Variants in HMCN2 observed in about 807,000 individuals in gnomAD.
The protein encoded by HMCN2 is hemicentin-2.
A neutral mutation model predicts 377.5 loss-of-function variants in HMCN2; 325 were observed. The observed-to-expected ratio is 0.86, with a 90% CI of 0.79 to 0.94. The LOEUF (loss-of-function observed/expected upper bound fraction) is 0.94, where lower values mean the gene tolerates loss of function less well. Among genes scored for constraint, HMCN2 ranks in the 40% least tolerant of loss-of-function variants. The pLI is 0.00. For missense variants in HMCN2, 4,543 were observed against 4,725.3 expected (o/e 0.96, Z 1.13); for synonymous variants, 2,007 against 2,046.8 (o/e 0.98, Z 0.53).
chr9:130,287,024 C>G (rs1251780159), intron 4 of HMCN2, among the ~76,000 whole-genome samples: 1 of 152,208 alleles, frequency 6.6e-6, no homozygotes, highest in Admixed American at 6.5e-5. Flanking sequence ...GAACAACGCT[C>G]TCTCTGGAAA....
chr9:130,290,918 T>G (rs1486921334), intron 4 of HMCN2, among the ~76,000 whole-genome samples: 1 of 151,716 alleles, frequency 6.6e-6, no homozygotes, highest in Non-Finnish European at 1.5e-5. Context: ...TTCTTTGGAT[T>G]CCTTTCCCTT....
At position 130,373,687 on chromosome 9, in the gene HMCN2, GGATA is replaced by G. The variant is rs1305199278; in HGVS notation, c.7438+567_7438+570del. Among the ~76,000 whole-genome samples, 29 of 118,796 alleles carry G rather than the reference GGATA, an allele frequency of 2.4e-4. 1 individual carries two copies. The highest frequency in any genetic ancestry group is 6.7e-4 in the African/African-American group (23 of 34,438). 77.9% of individuals were successfully genotyped at this position (118,796 alleles called of 152,430 possible). On this transcript the variant is annotated intron_variant, in intron 48 of 97. Coordinates refer to ENST00000683500, the MANE Select transcript of HMCN2 (RefSeq NM_001291815.2). ...TGGGTGGATGGATGGATGGATGGAT[GGATA>G]GATGGATGGATAGGTAGATGGATGG...
intron 96 of HMCN2, 60 bp from the exon 97 acceptor site, chr9:130,432,369 C>G (rs750892380): frequency 9.1e-5 from 138 of 1,519,834 alleles, no homozygotes; most frequent in Admixed American, 1.2e-4. Flanking sequence ...CGCACTCCCC[C>G]CTTCTCCTTT....
intron 30 of HMCN2, 135 bp from the exon 31 acceptor site, chr9:130,352,792 A>C (rs1839804250): frequency 6.4e-6 from 4 of 629,766 alleles, no homozygotes; most frequent in South Asian, 2.0e-5. Flanking sequence ...CTCCTTGTCC[A>C]CCATGCCTTC....
At chr9:130,293,447 GGAC>G (rs1322782737) in intron 4 of HMCN2, among the ~76,000 whole-genome samples, 1 of 151,610 alleles carries the variant, frequency 6.6e-6, no homozygotes, top group Non-Finnish European at 1.5e-5. Context: ...TGCACAGGAT[GGAC>G]GCTCTTTGAG....
At position 130,340,453 on chromosome 9, in the gene HMCN2, A is replaced by G. The variant is rs928377777; in HGVS notation, c.3488-658A>G. On this transcript the variant is annotated intron_variant, in intron 23 of 97. Transcript: ENST00000683500. ...TGCCTCCGAACCTTGCTTAGCCATTATAAGTCGACCCCTCTGCCTTGCCTC... is the reference window on the plus strand; with the variant it reads ...TGCCTCCGAACCTTGCTTAGCCATTGTAAGTCGACCCCTCTGCCTTGCCTC... 5.3e-5 allele frequency among the ~76,000 whole-genome samples: 8 copies of G among 151,898 alleles called. No individual in the cohort carries two copies. In the South Asian group the frequency reaches 1.5e-3, roughly 28 times the overall value.
Position 130,308,235 on chromosome 9 carries a change from G to C in HMCN2, c.2200+669G>C, listed in dbSNP as rs1554937551. ...GCTTCCCAAAGTGCTGGGATGACAG[G>C]CGTGAGCCACTGTGCCTGGCCATAT... On this transcript the variant is annotated intron_variant, in intron 14 of 97. Coordinates refer to ENST00000683500, the MANE Select transcript of HMCN2 (RefSeq NM_001291815.2). This position sits in a 1 kb window ranked among gnomAD's most constrained non-coding sequence, Gnocchi z 4.1. Among the ~76,000 whole-genome samples, 2 of 152,354 alleles carry C rather than the reference G, an allele frequency of 1.3e-5. No homozygotes were observed. The highest frequency in any genetic ancestry group is 3.9e-4 in the East Asian group (2 of 5,184).
intron 85 of HMCN2, among the ~76,000 whole-genome samples, chr9:130,415,865 C>G (rs1229760862): frequency 1.3e-5 from 2 of 152,154 alleles, no homozygotes; most frequent in African/African-American, 2.4e-5. Flanking sequence ...GCACAGCAGC[C>G]ATTTCCCTTT....
chr9:130,392,960 C>T (rs943108272), intron 66 of HMCN2, among the ~76,000 whole-genome samples: 3 of 151,660 alleles, frequency 2.0e-5, no homozygotes, highest in East Asian at 3.9e-4. Flanking sequence ...CGTGCCACTG[C>T]ACTCCAGCCT....
At chr9:130,318,324 T>C (rs1281908238) in intron 15 of HMCN2, among the ~76,000 whole-genome samples, 1 of 149,628 alleles carries the variant, frequency 6.7e-6, no homozygotes, top group East Asian at 2.0e-4. Context: ...GGCTTTTCCA[T>C]GGTATCAGAC....
intron 40 of HMCN2, 132 bp from the exon 41 acceptor site, chr9:130,364,582 C>A: frequency 4.3e-6 from 1 of 233,614 alleles, no homozygotes; most frequent in Non-Finnish European, 7.0e-6. Context: ...TCCTCCGAAG[C>A]AGGACTGAAG....
At chr9:130,277,850 C>T (rs1310391544) in intron 1 of HMCN2, among the ~76,000 whole-genome samples, 1 of 32,026 alleles carries the variant, frequency 3.1e-5, no homozygotes. Flanking sequence ...ATCATCACCA[C>T]CACCACCACC....
intron 78 of HMCN2, 126 bp from the exon 79 acceptor site, chr9:130,403,068 G>A: frequency 2.8e-6 from 3 of 1,077,104 alleles, no homozygotes; most frequent in South Asian, 1.5e-5. Context: ...CCTTGTTGCT[G>A]TGGCCGATGT....
In HMCN2 at chr9:130,393,073, C is replaced by T. The variant is rs1588382856; in HGVS notation, c.10137-139C>T. ...CAGTCACCCCGCCCCCTCTGGCCAGCAAGCTCTTGGGAGACAAAGGTTGGA... is the reference window on the plus strand; with the variant it reads ...CAGTCACCCCGCCCCCTCTGGCCAGTAAGCTCTTGGGAGACAAAGGTTGGA... On this transcript the variant is annotated intron_variant, in intron 66 of 97. Transcript: ENST00000683500. This position sits in a 1 kb window ranked among gnomAD's most constrained non-coding sequence, Gnocchi z 5.2. 1 of 362,694 alleles carries T rather than the reference C, an allele frequency of 2.8e-6. No individual in the cohort carries two copies. Among genetic ancestry groups the T allele is most frequent in the Non-Finnish European group, 3.8e-6 (1 of 259,922 alleles). The allele number at this position is 362,694 out of a possible 1,614,324, so 22.5% of individuals were successfully genotyped here. A position where few individuals can be genotyped will look rare whatever the true frequency, so the allele number is the denominator to read the frequency against.
intron 75 of HMCN2, 38 bp from the exon 76 acceptor site, chr9:130,399,473 G>A: frequency 1.6e-6 from 2 of 1,250,384 alleles, no homozygotes; most frequent in Non-Finnish European, 2.1e-6. Flanking sequence ...GTCTCTGTCA[G>A]CCCAGCAGCC....
At chr9:130,355,270 G>A (rs892007380) in intron 32 of HMCN2, among the ~76,000 whole-genome samples, 1 of 152,196 alleles carries the variant, frequency 6.6e-6, no homozygotes, top group Non-Finnish European at 1.5e-5. Flanking sequence ...CCCTGACTGT[G>A]CCCAGGACCC....
intron 23 of HMCN2, chr9:130,338,358 G>A (rs1366610955): frequency 1.3e-5 from 2 of 152,458 alleles, no homozygotes; most frequent in African/African-American, 4.8e-5. Context: ...GTGGGTCTGA[G>A]AGGGTCTCTG....
chr9:130,381,086 C>T (rs1263598713), intron 54 of HMCN2, among the ~76,000 whole-genome samples: 1 of 152,198 alleles, frequency 6.6e-6, no homozygotes, highest in Admixed American at 6.5e-5. Flanking sequence ...TGACAACTGA[C>T]CTCTAACCTC....
At chr9:130,267,968 C>G (rs549961034) in intron 1 of HMCN2, among the ~76,000 whole-genome samples, 40 of 152,352 alleles carry the variant, frequency 2.6e-4, no homozygotes, top group African/African-American at 8.7e-4. Context: ...GCTTAGAGAT[C>G]GTTGAATCTA....
Sources: gnomAD v4.1 joint callset for allele counts (sites outside exome capture counted in the v4.1 genomes callset) on GRCh38, gnomAD v4.1.1 for gene constraint, Gnocchi (gnomAD v3.1) non-coding constraint, MANE v1.5 for transcripts, NCBI Gene and HGNC (gene_info 2026-07-23, HGNC 2026-07-21) for gene names.